ARHGAP5: variants seen among roughly 807,000 people sequenced by gnomAD.
The protein encoded by ARHGAP5 is Rho GTPase activating protein 5.
In ARHGAP5, 23 loss-of-function variants were observed where a neutral mutation model predicts 116.6. The observed-to-expected ratio is 0.20, with a 90% confidence interval of 0.14 to 0.28. The LOEUF is 0.28. ARHGAP5 is among the 10% of genes least tolerant of loss of function. The pLI is 1.00. For missense variants in ARHGAP5, 1,405 were observed against 1,774.8 expected (o/e 0.79, Z 3.74); for synonymous variants, 574 against 602.0 (o/e 0.95, Z 0.68).
At position 32,118,495 on chromosome 14, in the gene ARHGAP5, T is replaced by A. The variant is rs562983174; in HGVS notation, c.3865+1208T>A. On this transcript the variant is annotated intron_variant, in intron 3 of 6. Transcript: ENST00000345122. Reference sequence around the variant, plus strand: ...CCTGGTGACAGAGTGAGACTCCATCTCAAAAAAAAAAAGAAAGAAGAAATT... The same window carrying A: ...CCTGGTGACAGAGTGAGACTCCATCACAAAAAAAAAAAGAAAGAAGAAATT... Among the ~76,000 whole-genome samples, 21 of 150,666 alleles carry A rather than the reference T, an allele frequency of 1.4e-4. 1 individual carries two copies. In the South Asian group the frequency reaches 3.8e-3, roughly 27 times the overall value.
At position 32,130,172 on chromosome 14, in the gene ARHGAP5, G is replaced by C. The variant is rs1880398192; in HGVS notation, c.3865+12885G>C. Among the ~76,000 whole-genome samples the C allele has an allele frequency of 2.0e-5, 3 of 148,652 alleles. 1 individual carries two copies. Among genetic ancestry groups the C allele is most frequent in the African/African-American group, 4.9e-5 (2 of 40,454 alleles). On this transcript the variant is annotated intron_variant, in intron 3 of 6. Coordinates refer to ENST00000345122, the MANE Select transcript of ARHGAP5 (RefSeq NM_001030055.2). Reference sequence around the variant, plus strand: ...TCATCTTATATTTCCAATTTACCTAGTAAATTTGTTTGTTGAATCCCTTGC... The same window carrying C: ...TCATCTTATATTTCCAATTTACCTACTAAATTTGTTTGTTGAATCCCTTGC...
intron 5 of ARHGAP5, among the ~76,000 whole-genome samples, chr14:32,151,185 A>G (rs936245328): frequency 4.6e-5 from 7 of 152,228 alleles, no homozygotes; most frequent in Admixed American, 4.6e-4. Flanking sequence ...CATTAATAGG[A>G]ACCTCAGAAC....
chr14:32,112,399 G>A (rs761528523), intron 2 of ARHGAP5, among the ~76,000 whole-genome samples: 7 of 152,234 alleles, frequency 4.6e-5, no homozygotes, highest in East Asian at 3.9e-4. Flanking sequence ...TCATGTTTAC[G>A]TATACAAATG....
At chr14:32,090,193 A>G (rs1878170486) in intron 1 of ARHGAP5, among the ~76,000 whole-genome samples, 1 of 151,990 alleles carries the variant, frequency 6.6e-6, no homozygotes, top group South Asian at 2.1e-4. Flanking sequence ...GGGAGTGGAA[A>G]GGACTAGCTG....
chr14:32,132,612 G>A (rs1315846701), intron 3 of ARHGAP5, among the ~76,000 whole-genome samples: 1 of 152,148 alleles, frequency 6.6e-6, no homozygotes, highest in Non-Finnish European at 1.5e-5. Context: ...TGTCAATTTT[G>A]TCTTTTGTTG....
intron 1 of ARHGAP5, among the ~76,000 whole-genome samples, chr14:32,079,865 C>A (rs983369990): frequency 6.6e-6 from 1 of 152,074 alleles, no homozygotes; most frequent in Admixed American, 6.5e-5. Flanking sequence ...TTTTTCTTTG[C>A]ATACCAAGAA....
At chr14:32,082,515 C>T (rs558611649) in intron 1 of ARHGAP5, among the ~76,000 whole-genome samples, 1 of 152,190 alleles carries the variant, frequency 6.6e-6, no homozygotes, top group East Asian at 1.9e-4. Flanking sequence ...ACCAAGCTCT[C>T]TTTGTCTTGC....
At chr14:32,118,967 G>T (rs971305523) in intron 3 of ARHGAP5, among the ~76,000 whole-genome samples, 2 of 152,048 alleles carry the variant, frequency 1.3e-5, no homozygotes, top group Non-Finnish European at 1.5e-5. Flanking sequence ...TAAAATGCAG[G>T]TCTAGTCCAA....
At chr14:32,124,021 C>T (rs1880021161) in intron 3 of ARHGAP5, among the ~76,000 whole-genome samples, 1 of 152,138 alleles carries the variant, frequency 6.6e-6, no homozygotes, top group African/African-American at 2.4e-5. Flanking sequence ...ATATCCGATA[C>T]TCTTTCTCTG....
intron 3 of ARHGAP5, among the ~76,000 whole-genome samples, chr14:32,140,925 T>G (rs1179480935): frequency 6.6e-6 from 1 of 152,212 alleles, no homozygotes; most frequent in Non-Finnish European, 1.5e-5. Context: ...CGTCTCCAAC[T>G]TTTATAGTTG....
chr14:32,133,080 G>A (rs1437613070), intron 3 of ARHGAP5, among the ~76,000 whole-genome samples: 2 of 152,086 alleles, frequency 1.3e-5, no homozygotes, highest in African/African-American at 4.8e-5. Context: ...CTCTTTTTTG[G>A]TTCCATATGA....
At chr14:32,146,928 T>C (rs574224701) in intron 4 of ARHGAP5, among the ~76,000 whole-genome samples, 1 of 152,318 alleles carries the variant, frequency 6.6e-6, no homozygotes, top group South Asian at 2.1e-4. Flanking sequence ...TTAGATATTT[T>C]ATGGAGCATA....
At chr14:32,100,926 G>A (rs1027244238) in intron 2 of ARHGAP5, among the ~76,000 whole-genome samples, 1 of 152,102 alleles carries the variant, frequency 6.6e-6, no homozygotes, top group Non-Finnish European at 1.5e-5. Context: ...TGTTAAACAC[G>A]TGTGTTTAAG....
At chr14:32,139,628 C>G (rs893553266) in intron 3 of ARHGAP5, among the ~76,000 whole-genome samples, 2 of 151,690 alleles carry the variant, frequency 1.3e-5, no homozygotes, top group African/African-American at 4.8e-5. Context: ...AAAGGTTTGT[C>G]AATTTAATCT....
In ARHGAP5 at chr14:32,096,196, A is replaced by G. The variant is rs532165988; in HGVS notation, c.3717+1810A>G. Among the ~76,000 whole-genome samples, 8 of 151,658 alleles carry G rather than the reference A, an allele frequency of 5.3e-5. No individual in the cohort carries two copies. The East Asian group carries it at 5.8e-4, about 11-fold the overall frequency. On this transcript the variant is annotated intron_variant, in intron 2 of 6. Coordinates refer to ENST00000345122, the MANE Select transcript of ARHGAP5 (RefSeq NM_001030055.2). ...TTGGAGATAGTGGACTCTTTTTGCT[A>G]TTAAATATTTCATTGTGTATTTCCT...
At chr14:32,132,101 G>T (rs1020643450) in intron 3 of ARHGAP5, among the ~76,000 whole-genome samples, 13 of 152,140 alleles carry the variant, frequency 8.5e-5, no homozygotes, top group Admixed American at 7.9e-4. Context: ...TATATACCCA[G>T]TAATGAGATG....
At chr14:32,150,393 T>C (rs1881585826) in intron 5 of ARHGAP5, among the ~76,000 whole-genome samples, 1 of 152,246 alleles carries the variant, frequency 6.6e-6, no homozygotes, top group Admixed American at 6.5e-5. Flanking sequence ...TTGTCTTACC[T>C]GTTTTATGTT....
intron 1 of ARHGAP5, among the ~76,000 whole-genome samples, chr14:32,083,924 T>A (rs964860890): frequency 1.3e-5 from 2 of 152,212 alleles, no homozygotes; most frequent in Admixed American, 1.3e-4. Flanking sequence ...CTTTATACAT[T>A]GAAAATCTCT....
chr14:32,120,475 G>A (rs1879828355), intron 3 of ARHGAP5, among the ~76,000 whole-genome samples: 1 of 151,186 alleles, frequency 6.6e-6, no homozygotes, highest in African/African-American at 2.4e-5. Flanking sequence ...CTAGATTACT[G>A]TGTTAGACCA....
Sources: gnomAD v4.1 joint callset for allele counts (sites outside exome capture counted in the v4.1 genomes callset) on GRCh38, gnomAD v4.1.1 for gene constraint, MANE v1.5 for transcripts, NCBI Gene and HGNC (gene_info 2026-07-23, HGNC 2026-07-21) for gene names.